STAT5B: variants seen among roughly 807,000 people sequenced by gnomAD.
The protein encoded by STAT5B is transcription factor STAT5B.
STAT5B carries 21 observed loss-of-function variants against 107.8 expected under a neutral mutation model. The observed-to-expected ratio is 0.19, with a 90% confidence interval of 0.14 to 0.28. STAT5B has a LOEUF of 0.28. STAT5B is among the 10% of genes least tolerant of loss of function. The probability of loss-of-function intolerance (pLI) is 1.00; values close to 1 mark genes in which losing one functional copy is unlikely to be tolerated. For synonymous variants in STAT5B, 325 were observed against 401.7 expected, an observed-to-expected ratio of 0.81 and a Z score of 2.28; for missense variants, 565 against 1,008.2, an observed-to-expected ratio of 0.56 and a Z score of 5.95.
chr17:42,211,545 T>C (rs74406646), intron 13 of STAT5B, among the ~76,000 whole-genome samples: 2,154 of 151,450 alleles, frequency 0.014, 53 homozygotes, highest in African/African-American at 0.05. Context: ...CAAAGTGACG[T>C]CTGAATTAGC....
At chr17:42,258,803 G>A (rs928704267) in intron 1 of STAT5B, among the ~76,000 whole-genome samples, 1 of 152,216 alleles carries the variant, frequency 6.6e-6, no homozygotes, top group African/African-American at 2.4e-5. Flanking sequence ...ACACAGTGGT[G>A]TTACCAGTCA....
chr17:42,238,906 C>T (rs190826504), intron 1 of STAT5B, among the ~76,000 whole-genome samples: 31 of 151,448 alleles, frequency 2.0e-4, no homozygotes, highest in African/African-American at 7.5e-4. Context: ...GGTACAGTAA[C>T]AGCAAGGCTT....
chr17:42,217,134 C>T (rs375127288), intron 11 of STAT5B, 26 bp downstream of exon 11: 2 of 1,602,906 alleles, frequency 1.2e-6, no homozygotes, highest in Non-Finnish European at 1.7e-6. Context: ...CGCACACGCA[C>T]ACGCAGAGCT....
At chr17:42,282,629 C>T in the STAT5B span, among the ~76,000 whole-genome samples, 77 of 152,166 alleles carry the variant, frequency 5.1e-4, no homozygotes, top group Non-Finnish European at 1.0e-3. Flanking sequence ...CTTGAGCCAC[C>T]GCACCGGGCC....
intron 1 of STAT5B, among the ~76,000 whole-genome samples, chr17:42,237,137 A>C (rs1297077186): frequency 6.6e-6 from 1 of 152,224 alleles, no homozygotes. Flanking sequence ...CCCTGGATGC[A>C]GAACCCTGTA....
intron 16 of STAT5B, 134 bp from the exon 17 acceptor site, chr17:42,202,942 T>C: frequency 8.1e-7 from 1 of 1,230,440 alleles, no homozygotes; most frequent in East Asian, 2.4e-5. Context: ...AAGCACTTAA[T>C]ATTTTTTTGT....
intron 5 of STAT5B, among the ~76,000 whole-genome samples, chr17:42,220,565 C>G (rs973516476): frequency 3.9e-5 from 6 of 152,096 alleles, no homozygotes; most frequent in African/African-American, 1.4e-4. Context: ...AGGGGCCCAG[C>G]ATGTTTGTCC....
Position 42,224,859 on chromosome 17 carries a change from C to T in STAT5B, c.295G>A (p.Asp99Asn). 6.2e-7 allele frequency: 1 copy of T among 1,613,570 alleles called. No homozygotes were observed. Among genetic ancestry groups the T allele is most frequent in the Non-Finnish European group, 8.5e-7 (1 of 1,179,714 alleles). ...HYATQLQNTY[D>N]RCPMELVRCI... ...CGGACCAGCTCCATGGGGCAGCGGT[C>T]ATACGTGTTCTGAAAGAATCCAACA... The change falls in exon 4 of 19, where the codon GAC (aspartate) becomes AAC (asparagine). Residue 99 changes from aspartate (D) to asparagine (N), a missense_variant. Transcript: ENST00000293328.
rs974269333 is a variant in STAT5B at position 42,231,730 on chromosome 17, T to C, written c.128+270A>G. 2.6e-5 allele frequency among the ~76,000 whole-genome samples: 4 copies of C among 152,216 alleles called. No individual in the cohort carries two copies. In the East Asian group the frequency reaches 5.8e-4, roughly 22 times the overall value. On this transcript the variant is annotated intron_variant, in intron 2 of 18. Coordinates refer to ENST00000293328, the MANE Select transcript of STAT5B (RefSeq NM_012448.4). ...GTTGGCTGCTCTTTCTTAGCAGTAA[T>C]ATTCTAATGCTTTTAGACAGTATTT...
chr17:42,207,676 A>C lies in STAT5B; in HGVS notation c.1959T>G (p.Ile653Met), dbSNP rs1057936. Residue 653 changes from isoleucine to methionine, a missense_variant, in exon 16 of 19, where the codon ATT becomes ATG. By Grantham distance (10) the Ile-to-Met change is conservative (BLOSUM62 1). Coordinates refer to ENST00000293328, the MANE Select transcript of STAT5B (RefSeq NM_012448.4). ...LMPFTTRDFSIRSLADRLGDL... is the reference protein window; with the variant it reads ...LMPFTTRDFSMRSLADRLGDL... The stretch of plus-strand genomic sequence containing the variant: ...CTCCCAAGCGGTCGGCTAGGGACCG[A>C]ATGGAGAAGTCTCTGGTGGTAAAAG... 6.2e-7 allele frequency: 1 copy of C among 1,614,166 alleles called. No individual in the cohort carries two copies. The highest frequency in any genetic ancestry group is 8.5e-7 in the Non-Finnish European group (1 of 1,180,038).
At chr17:42,251,586 G>A (rs990322889) in intron 1 of STAT5B, among the ~76,000 whole-genome samples, 1 of 151,988 alleles carries the variant, frequency 6.6e-6, no homozygotes, top group African/African-American at 2.4e-5. Context: ...CTGCCATCTG[G>A]ATACCTGTTC....
intron 18 of STAT5B, 94 bp downstream of exon 18, chr17:42,202,246 C>A (rs1056739990): frequency 2.1e-6 from 3 of 1,437,430 alleles, no homozygotes. Flanking sequence ...CCTAGAGGAG[C>A]TCTGGATTCC....
rs1045132966 is a variant in STAT5B at position 42,202,455 on chromosome 17, A to T, written c.2130-8T>A. ...GCAGATGCGTTCACAAACCTGCAGA[A>T]GGAAGAGAACAGAGCTTCAGCTGCC... On this transcript the variant is annotated splice_region_variant and splice_polypyrimidine_tract_variant and intron_variant, in intron 17 of 18. Transcript: ENST00000293328. 38 of 1,613,702 alleles carry T rather than the reference A, an allele frequency of 2.4e-5. No individual in the cohort carries two copies. Among genetic ancestry groups the T allele is most frequent in the Admixed American group, 2.3e-4 (14 of 60,006 alleles).
chr17:42,216,932 A>G (rs150208531), intron 11 of STAT5B, among the ~76,000 whole-genome samples: 2,110 of 152,020 alleles, frequency 0.014, 44 homozygotes, highest in African/African-American at 0.049. Flanking sequence ...GACTGCCTCA[A>G]CCTACCAAAG....
chr17:42,283,690 G>A, the STAT5B span, among the ~76,000 whole-genome samples: 1 of 152,196 alleles, frequency 6.6e-6, no homozygotes, highest in African/African-American at 2.4e-5. Flanking sequence ...CCCAAGCTCC[G>A]GCAGCTCCTT....
At chr17:42,213,315 T>C (rs2080144159) in intron 12 of STAT5B, among the ~76,000 whole-genome samples, 1 of 152,114 alleles carries the variant, frequency 6.6e-6, no homozygotes, top group Admixed American at 6.6e-5. Flanking sequence ...CAAGTAATTA[T>C]CCTACCTCAG....
At position 42,218,157 on chromosome 17, in the gene STAT5B, G is replaced by C; in HGVS notation, c.1163C>G (p.Thr388Ser). The C allele has an allele frequency of 1.2e-6, 2 of 1,614,068 alleles. No homozygotes were observed. Among genetic ancestry groups the C allele is most frequent in the Non-Finnish European group, 1.7e-6 (2 of 1,179,986 alleles). The change falls in exon 9 of 19, where the codon ACC (threonine) becomes AGC (serine). Residue 388 changes from threonine to serine, a missense_variant. Physicochemically the swap from Thr to Ser is moderately conservative, Grantham distance 58 (BLOSUM62 1). Coordinates refer to ENST00000293328, the MANE Select transcript of STAT5B (RefSeq NM_012448.4). ...GAGGAAGCTGCACAATTACTTGCGG[G>C]TGTTCTCGTTCTTGAGCAGAGACTT... ...QAKSLLKNEN[T>S]RNDYSGEILN...
chr17:42,206,687 G>C (rs2080087878), intron 16 of STAT5B, among the ~76,000 whole-genome samples: 1 of 151,860 alleles, frequency 6.6e-6, no homozygotes, highest in African/African-American at 2.4e-5. Context: ...CAATTCTCCT[G>C]CCTCAGCCTT....
At chr17:42,253,051 G>A (rs1363050411) in intron 1 of STAT5B, among the ~76,000 whole-genome samples, 1 of 152,178 alleles carries the variant, frequency 6.6e-6, no homozygotes, top group Non-Finnish European at 1.5e-5. Context: ...CCAGAATGTA[G>A]ATTAATGTTA....
Sources: gnomAD v4.1 joint callset for allele counts (sites outside exome capture counted in the v4.1 genomes callset) on GRCh38, gnomAD v4.1.1 for gene constraint, MANE v1.5 for transcripts, NCBI Gene and HGNC (gene_info 2026-07-23, HGNC 2026-07-21) for gene names.